STPG2: variants seen among roughly 807,000 people sequenced by gnomAD.
STPG2 encodes the protein sperm tail PG-rich repeat containing 2.
Under a neutral mutation model 54.2 loss-of-function variants are expected in STPG2, and 56 were observed. The observed-to-expected ratio is 1.03, with a 90% CI of 0.83 to 1.29. The LOEUF is 1.29. Among genes scored for constraint, STPG2 ranks in the 50% most tolerant of loss-of-function variants. The pLI, the probability that STPG2 is intolerant of heterozygous loss-of-function variation, is 0.00. For missense variants in STPG2, 596 were observed against 544.9 expected (o/e 1.09, Z -0.93); for synonymous variants, 200 against 181.8 (o/e 1.10, Z -0.81).
intron 10 of STPG2, among the ~76,000 whole-genome samples, chr4:97,697,041 G>A (rs1238228407): frequency 6.6e-6 from 1 of 152,178 alleles, no homozygotes; most frequent in Non-Finnish European, 1.5e-5. Flanking sequence ...GGTCCCCTAA[G>A]GGAATGTTTA....
chr4:97,570,249 T>G (rs1732565797), intron 10 of STPG2, among the ~76,000 whole-genome samples: 1 of 152,194 alleles, frequency 6.6e-6, no homozygotes, highest in Non-Finnish European at 1.5e-5. Flanking sequence ...CCTAAAGCTA[T>G]TCTATCAGTG....
chr4:97,654,542 A>G (rs1722166175), intron 10 of STPG2, among the ~76,000 whole-genome samples: 1 of 152,056 alleles, frequency 6.6e-6, no homozygotes, highest in Non-Finnish European at 1.5e-5. Context: ...CCTTCCATGC[A>G]TCCTTTTCTC....
chr4:97,972,359 G>T lies in STPG2; in HGVS notation c.854C>A (p.Ala285Glu). The T allele has an allele frequency of 6.2e-7, 1 of 1,609,466 alleles. No individual in the cohort carries two copies. Among genetic ancestry groups the T allele is most frequent in the Non-Finnish European group, 8.5e-7 (1 of 1,176,858 alleles). ...NICSKKQKKS[A>E]FGSSVPRTFF... ...AGTCCGAGGAACAGAAGAACCAAATGCACTTTTCTTCTGTTTCTTTGAGCA... is the reference window on the plus strand; with the variant it reads ...AGTCCGAGGAACAGAAGAACCAAATTCACTTTTCTTCTGTTTCTTTGAGCA... Residue 285 changes from alanine (A) to glutamate (E), a missense_variant, in exon 7 of 11, where the codon GCA becomes GAA. Transcript: ENST00000295268.
At chr4:98,005,568 A>C (rs1735553195) in intron 5 of STPG2, among the ~76,000 whole-genome samples, 1 of 152,172 alleles carries the variant, frequency 6.6e-6, no homozygotes, top group Non-Finnish European at 1.5e-5. Flanking sequence ...TTCCTTCTAC[A>C]CTTAATTTGC....
chr4:97,818,426 G>A (rs1050518024), intron 9 of STPG2, among the ~76,000 whole-genome samples: 1 of 151,590 alleles, frequency 6.6e-6, no homozygotes, highest in South Asian at 2.1e-4. Flanking sequence ...ACAACATATT[G>A]TTATAAAAGT....
chr4:97,630,842 C>A (rs2136082), intron 10 of STPG2, among the ~76,000 whole-genome samples: 2 of 151,428 alleles, frequency 1.3e-5, no homozygotes, highest in Non-Finnish European at 3.0e-5. Flanking sequence ...TATGTAATAA[C>A]TGATTCAGAA....
intron 10 of STPG2, among the ~76,000 whole-genome samples, chr4:97,702,621 G>T (rs1325233602): frequency 6.6e-6 from 1 of 152,110 alleles, no homozygotes; most frequent in Non-Finnish European, 1.5e-5. Flanking sequence ...TCAGACAAAG[G>T]TGGAATGGCT....
intron 8 of STPG2, among the ~76,000 whole-genome samples, chr4:97,900,554 A>G (rs1731136640): frequency 6.6e-6 from 1 of 152,120 alleles, no homozygotes; most frequent in South Asian, 2.1e-4. Context: ...TGGATAAAGA[A>G]AATGTGGTGT....
rs575006601 is a variant in STPG2 at position 98,003,692 on chromosome 4, TGTG to T, written c.613-22377_613-22375del. Among the ~76,000 whole-genome samples the T allele has an allele frequency of 1.6e-4, 25 of 152,220 alleles. 1 individual carries two copies. In the South Asian group the frequency reaches 4.3e-3, roughly 26 times the overall value. On this transcript the variant is annotated intron_variant, in intron 5 of 10. Transcript: ENST00000295268. ...TTTCTGGACAACATGCTTACTTCAATGTGGTCAAATGGTTGTATCAATTATTCA... is the reference window on the plus strand; with the variant it reads ...TTTCTGGACAACATGCTTACTTCAATGTCAAATGGTTGTATCAATTATTCA...
chr4:97,838,246 T>A (rs1728690793), intron 9 of STPG2, among the ~76,000 whole-genome samples: 1 of 151,430 alleles, frequency 6.6e-6, no homozygotes, highest in Non-Finnish European at 1.5e-5. Flanking sequence ...TAAAGAAACT[T>A]CTTTTCTTAT....
chr4:97,529,632 G>A (rs1731368538), intron 4 of STPG2, among the ~76,000 whole-genome samples: 1 of 152,114 alleles, frequency 6.6e-6, no homozygotes, highest in South Asian at 2.1e-4. Context: ...TGGTTGGTAG[G>A]CTATTAATTA....
At chr4:97,946,489 T>G (rs1282862328) in intron 7 of STPG2, among the ~76,000 whole-genome samples, 4 of 152,036 alleles carry the variant, frequency 2.6e-5, no homozygotes, top group South Asian at 2.1e-4. Flanking sequence ...TCCAGAAGAG[T>G]TTTTCTTACG....
chr4:97,711,433 C>G (rs1025403594), intron 10 of STPG2, among the ~76,000 whole-genome samples: 1 of 152,066 alleles, frequency 6.6e-6, no homozygotes, highest in Non-Finnish European at 1.5e-5. Flanking sequence ...AAATACCCAC[C>G]CTTGACTTCC....
At chr4:97,483,607 CA>C (rs1730278088) in intron 4 of STPG2, among the ~76,000 whole-genome samples, 1 of 151,612 alleles carries the variant, frequency 6.6e-6, no homozygotes, top group South Asian at 2.1e-4. Context: ...ATGAGATAGA[CA>C]GCAACACAAT....
chr4:97,675,462 GAA>G (rs1722809656), intron 10 of STPG2, among the ~76,000 whole-genome samples: 1 of 151,954 alleles, frequency 6.6e-6, no homozygotes, highest in Admixed American at 6.6e-5. Flanking sequence ...AAAAGGAAAA[GAA>G]AAGAAAAAAA....
At chr4:97,981,937 T>G (rs1578753948) in intron 5 of STPG2, among the ~76,000 whole-genome samples, 1 of 150,030 alleles carries the variant, frequency 6.7e-6, no homozygotes, top group Non-Finnish European at 1.5e-5. Flanking sequence ...CAGGCTGGAG[T>G]GCAGTGGCGC....
At chr4:97,799,121 TC>T (rs550223046) in intron 9 of STPG2, among the ~76,000 whole-genome samples, 2 of 134,222 alleles carry the variant, frequency 1.5e-5, no homozygotes, top group African/African-American at 5.7e-5. Flanking sequence ...CACTGATGGG[TC>T]TTGACTCTTT....
At chr4:97,985,161 T>C (rs1716250182) in intron 5 of STPG2, among the ~76,000 whole-genome samples, 1 of 152,196 alleles carries the variant, frequency 6.6e-6, no homozygotes, top group Non-Finnish European at 1.5e-5. Flanking sequence ...AAATTTATTA[T>C]CCTAAATACT....
At chr4:98,005,255 T>G (rs1369454701) in intron 5 of STPG2, among the ~76,000 whole-genome samples, 1 of 152,104 alleles carries the variant, frequency 6.6e-6, no homozygotes, top group Non-Finnish European at 1.5e-5. Context: ...TAGGGGTGGG[T>G]CTGCCTCTCC....
Sources: allele counts gnomAD v4.1 joint callset (sites outside exome capture counted in the v4.1 genomes callset), GRCh38; gene constraint gnomAD v4.1.1; transcripts MANE v1.5; gene names NCBI Gene and HGNC (gene_info 2026-07-23, HGNC 2026-07-21).